ATP6V1E2: variants seen among roughly 807,000 people sequenced by gnomAD.
The protein encoded by ATP6V1E2 is ATPase H+ transporting V1 subunit E2, also known as V-type proton ATPase subunit E 2.
For missense variants in ATP6V1E2, 308 were observed against 273.3 expected (o/e 1.13, Z -0.90); for synonymous variants, 121 against 104.2 (o/e 1.16, Z -0.98).
intron 4 of ATP6V1E2, among the ~76,000 whole-genome samples, chr2:46,517,828 A>G (rs1414524297): frequency 6.6e-6 from 1 of 152,196 alleles, no homozygotes; most frequent in Non-Finnish European, 1.5e-5. Context: ...ATTATTTTTT[A>G]AAAAAAGAAG....
intron 4 of ATP6V1E2, among the ~76,000 whole-genome samples, chr2:46,526,978 A>G (rs949293880): frequency 3.9e-5 from 6 of 152,076 alleles, no homozygotes; most frequent in Non-Finnish European, 7.4e-5. Flanking sequence ...CAGCCGCACT[A>G]TTTTACAGTT....
At position 46,535,156 on chromosome 2, in the gene ATP6V1E2, C is replaced by T. The variant is rs1323848069; in HGVS notation, c.-102+657G>A. 6.6e-6 allele frequency: 1 copy of T among 152,198 alleles called. No homozygotes were observed. The highest frequency in any genetic ancestry group is 1.5e-5 in the Non-Finnish European group (1 of 68,030). The allele number at this position is 152,198 out of a possible 1,614,324, so 9.4% of individuals were successfully genotyped here. On this transcript the variant is annotated intron_variant, in intron 4 of 4. Coordinates refer to ENST00000522587, the MANE Select transcript of ATP6V1E2 (RefSeq NM_001318063.2). This position sits in a 1 kb window ranked among gnomAD's most constrained non-coding sequence, Gnocchi z 4.4. ...TAGGGTTTGCCCCATTTGTTCCCTA[C>T]TTTCAGGAATCACGGTGCTGTGCTA...
At chr2:46,533,989 T>C (rs1667317866) in intron 4 of ATP6V1E2, among the ~76,000 whole-genome samples, 1 of 152,220 alleles carries the variant, frequency 6.6e-6, no homozygotes, top group African/African-American at 2.4e-5. Context: ...TTTCTGCTTT[T>C]AATTTTTTTC....
Position 46,511,884 on chromosome 2 carries a change from A to T in ATP6V1E2, c.*147T>A. On this transcript the variant is annotated 3_prime_UTR_variant, in exon 5 of 5. Coordinates refer to ENST00000522587, the MANE Select transcript of ATP6V1E2 (RefSeq NM_001318063.2). ...ATTTGGGCTTTATTTCAAAGTTAAC[A>T]CTTTAGCTATCCAAAGGGTATTTCG... 1.5e-6 allele frequency: 1 copy of T among 687,654 alleles called. No homozygotes were observed. Among genetic ancestry groups the T allele is most frequent in the Non-Finnish European group, 2.3e-6 (1 of 443,376 alleles). 42.6% of individuals were successfully genotyped at this position (687,654 alleles called of 1,614,324 possible). A position where few individuals can be genotyped will look rare whatever the true frequency, so the allele number is the denominator to read the frequency against.
At chr2:46,519,978 T>C (rs1666528970) in intron 4 of ATP6V1E2, 1 of 152,240 alleles carries the variant, frequency 6.6e-6, no homozygotes, top group Non-Finnish European at 1.5e-5. Flanking sequence ...ATGGTACCTT[T>C]GCCCACAGTC....
rs565909010 is a variant in ATP6V1E2, at chr2:46,524,700, C to G, written c.-102+11113G>C. On this transcript the variant is annotated intron_variant, in intron 4 of 4. Transcript: ENST00000522587. ...TAAGGATGGGCGCTGAGAGATGGAC[C>G]GTCATCATAAGCAGAAAGAAAGTAA... 9.2e-5 allele frequency among the ~76,000 whole-genome samples: 14 copies of G among 152,178 alleles called. 1 individual carries two copies. The Middle Eastern group carries it at 0.017, about 185-fold the overall frequency.
At chr2:46,519,923 A>G (rs1232872099) in intron 4 of ATP6V1E2, 3 of 152,254 alleles carry the variant, frequency 2.0e-5, no homozygotes, top group African/African-American at 7.2e-5. Flanking sequence ...TAATAAACTT[A>G]GCAGCCCTGC....
chr2:46,514,988 G>A (rs961056092), intron 4 of ATP6V1E2, among the ~76,000 whole-genome samples: 1 of 151,684 alleles, frequency 6.6e-6, no homozygotes, highest in Non-Finnish European at 1.5e-5. Flanking sequence ...TATATTCAAA[G>A]GGCTGAAAAA....
intron 4 of ATP6V1E2, among the ~76,000 whole-genome samples, chr2:46,532,879 C>T (rs991102663): frequency 6.6e-6 from 1 of 152,072 alleles, no homozygotes; most frequent in Non-Finnish European, 1.5e-5. Context: ...CAGGAAGAGA[C>T]TAAGACAACC....
At chr2:46,531,323 T>C (rs1378464166) in intron 4 of ATP6V1E2, among the ~76,000 whole-genome samples, 6 of 152,186 alleles carry the variant, frequency 3.9e-5, no homozygotes, top group Admixed American at 2.0e-4. Context: ...TAGCATAACG[T>C]TTTTGAGATT....
chr2:46,521,786 G>A (rs937454250), intron 4 of ATP6V1E2, among the ~76,000 whole-genome samples: 2 of 152,058 alleles, frequency 1.3e-5, no homozygotes, highest in Admixed American at 6.6e-5. Context: ...TGCCTCCTGG[G>A]TTCAAGCGAT....
chr2:46,520,953 G>T (rs967946691), intron 4 of ATP6V1E2, among the ~76,000 whole-genome samples: 1 of 152,118 alleles, frequency 6.6e-6, no homozygotes, highest in African/African-American at 2.4e-5. Context: ...ATATTACGAG[G>T]CAAATATCCT....
intron 4 of ATP6V1E2, chr2:46,534,752 AG>A (rs1667359229): frequency 9.4e-6 from 1 of 106,782 alleles, no homozygotes; most frequent in Non-Finnish European, 1.9e-5. Flanking sequence ...CGGCTTAGTT[AG>A]CCCTTCTCCT....
chr2:46,512,889 C>T (rs529095235), intron 4 of ATP6V1E2, 77 bp from the exon 5 acceptor site: 2 of 569,938 alleles, frequency 3.5e-6, no homozygotes, highest in East Asian at 2.9e-5. Context: ...ATATATACCC[C>T]TCACTTCACA....
chr2:46,512,296 T>C lies in ATP6V1E2; in HGVS notation c.416A>G (p.Gln139Arg). ...AGCAGCCTCCACCAGGAGGAGGTCTTGTGGCCGGCAGCGTACAATCATCAC... is the reference window on the plus strand; with the variant it reads ...AGCAGCCTCCACCAGGAGGAGGTCTCGTGGCCGGCAGCGTACAATCATCAC... Reference protein sequence around the residue: ...EPVMIVRCRPQDLLLVEAAVQ... With the variant: ...EPVMIVRCRPRDLLLVEAAVQ... The change falls in exon 5 of 5, where the codon CAA becomes CGA. Residue 139 changes from glutamine (Q) to arginine (R), a missense_variant. Coordinates refer to ENST00000522587, the MANE Select transcript of ATP6V1E2 (RefSeq NM_001318063.2). 6.2e-7 allele frequency: 1 copy of C among 1,611,080 alleles called. No individual in the cohort carries two copies. Among genetic ancestry groups the C allele is most frequent in the Non-Finnish European group, 8.5e-7 (1 of 1,177,990 alleles).
At chr2:46,513,568 G>A (rs1163215522) in intron 4 of ATP6V1E2, among the ~76,000 whole-genome samples, 1 of 152,190 alleles carries the variant, frequency 6.6e-6, no homozygotes, top group East Asian at 1.9e-4. Context: ...GCTCACGCCT[G>A]TAATCCCAGC....
At chr2:46,517,876 C>T (rs1330578591) in intron 4 of ATP6V1E2, among the ~76,000 whole-genome samples, 1 of 152,128 alleles carries the variant, frequency 6.6e-6, no homozygotes, top group Non-Finnish European at 1.5e-5. Context: ...CAAGGATGTG[C>T]AGAAACTGGA....
intron 2 of ATP6V1E2, among the ~76,000 whole-genome samples, chr2:46,538,311 T>A (rs1434714314): frequency 1.3e-5 from 2 of 152,202 alleles, no homozygotes; most frequent in African/African-American, 4.8e-5. Flanking sequence ...CTTGTCAATG[T>A]GGAATATGGC....
rs980350236 is a variant in ATP6V1E2 at position 46,536,694 on chromosome 2, G to A, written c.-300C>T. The A allele has an allele frequency of 6.6e-6, 1 of 152,214 alleles. No individual in the cohort carries two copies. The highest frequency in any genetic ancestry group is 2.4e-5 in the African/African-American group (1 of 41,432). 9.4% of individuals were successfully genotyped at this position (152,214 alleles called of 1,614,324 possible). ...TTCAGTCAGTATGGACTCCTGTATT[G>A]ACAATCCACCTGAAATTTGGAACAA... is the stretch of plus-strand genomic sequence containing the variant. On this transcript the variant is annotated 5_prime_UTR_variant, in exon 3 of 5. Transcript: ENST00000522587.
Sources: gnomAD v4.1 joint callset for allele counts (sites outside exome capture counted in the v4.1 genomes callset) on GRCh38, gnomAD v4.1.1 for gene constraint, Gnocchi (gnomAD v3.1) non-coding constraint, MANE v1.5 for transcripts, NCBI Gene and HGNC (gene_info 2026-07-23, HGNC 2026-07-21) for gene names.